KLF8: variants seen among roughly 807,000 people sequenced by gnomAD.
KLF8 encodes the protein Krueppel-like factor 8.
In KLF8, 10 loss-of-function variants were observed where a neutral mutation model predicts 18.2. That is an observed-to-expected ratio of 0.55 (90% confidence interval 0.34 to 0.93). The LOEUF is 0.93. Among genes scored for constraint, KLF8 ranks in the 40% least tolerant of loss-of-function variants. KLF8 has a pLI of 0.02. For synonymous variants in KLF8, 109 were observed against 97.3 expected, an observed-to-expected ratio of 1.12 and a Z score of -0.71; for missense variants, 264 against 277.9, an observed-to-expected ratio of 0.95 and a Z score of 0.36.
At chrX:56,095,836 A>G in the KLF8 span, among the ~76,000 whole-genome samples, 28 of 111,621 alleles carry the variant, frequency 2.5e-4, no homozygotes, top group African/African-American at 8.4e-4. Flanking sequence ...AGGAATACTT[A>G]TACTCTGTTG....
At chrX:55,995,037 A>G in the KLF8 span, among the ~76,000 whole-genome samples, 1 of 111,926 alleles carries the variant, frequency 8.9e-6, no homozygotes, top group Non-Finnish European at 1.9e-5. Flanking sequence ...GTGTTTACCC[A>G]TGTCTCTTCA....
chrX:56,058,912 T>A, the KLF8 span, among the ~76,000 whole-genome samples: 132 of 111,952 alleles, frequency 1.2e-3, no homozygotes, highest in Non-Finnish European at 2.2e-3. Context: ...TTCTAGGTTC[T>A]TGAGGAATTG....
the KLF8 span, among the ~76,000 whole-genome samples, chrX:55,971,702 C>T: frequency 9.0e-6 from 1 of 110,560 alleles, no homozygotes; most frequent in Non-Finnish European, 1.9e-5. Context: ...GCTCAAACAA[C>T]TCTATAGGAA....
chrX:56,201,455 G>A, the KLF8 span, among the ~76,000 whole-genome samples: 138 of 111,359 alleles, frequency 1.2e-3, no homozygotes, highest in Middle Eastern at 4.6e-3. Context: ...GGGTTGGGGC[G>A]GGGAATGGAG....
chrX:55,962,468 C>A, the KLF8 span: 1 of 231,297 alleles, frequency 4.3e-6, no homozygotes, highest in South Asian at 5.9e-5. Flanking sequence ...TGCCTTTCAT[C>A]AGGTCACCAA....
At chrX:56,161,754 C>G in the KLF8 span, among the ~76,000 whole-genome samples, 2 of 111,871 alleles carry the variant, frequency 1.8e-5, no homozygotes, top group Non-Finnish European at 3.8e-5. Flanking sequence ...TCATCTGAAG[C>G]CTTCTGCTCT....
At chrX:56,049,056 G>T in the KLF8 span, among the ~76,000 whole-genome samples, 1 of 111,392 alleles carries the variant, frequency 9.0e-6, no homozygotes, top group Admixed American at 9.6e-5. Context: ...CTCATGATTT[G>T]GCTCTCTGTT....
chrX:56,126,911 C>G, the KLF8 span, among the ~76,000 whole-genome samples: 1 of 109,002 alleles, frequency 9.2e-6, no homozygotes, highest in Non-Finnish European at 1.9e-5. Context: ...TACCACCACG[C>G]CTGGCTAATT....
At chrX:55,966,365 C>T in the KLF8 span, among the ~76,000 whole-genome samples, 1 of 112,357 alleles carries the variant, frequency 8.9e-6, no homozygotes, top group South Asian at 3.7e-4. Flanking sequence ...ATGGTAGCTA[C>T]ATGGGTGCAT....
At chrX:56,078,030 G>C in the KLF8 span, among the ~76,000 whole-genome samples, 1 of 109,627 alleles carries the variant, frequency 9.1e-6, no homozygotes, top group Admixed American at 9.6e-5. Context: ...ATCAGCTTAA[G>C]GGGATTTTGG....
chrX:55,944,250 T>G, the KLF8 span, among the ~76,000 whole-genome samples: 1 of 109,130 alleles, frequency 9.2e-6, no homozygotes, highest in Non-Finnish European at 1.9e-5. Flanking sequence ...TTATTGAGGA[T>G]TTTTGCATCA....
the KLF8 span, among the ~76,000 whole-genome samples, chrX:56,005,329 A>G: frequency 6.3e-5 from 7 of 111,823 alleles, no homozygotes; most frequent in African/African-American, 1.6e-4. Flanking sequence ...AGTGGGATTT[A>G]TACTCATTTG....
the KLF8 span, among the ~76,000 whole-genome samples, chrX:56,173,966 A>T: frequency 8.9e-6 from 1 of 112,134 alleles, no homozygotes; most frequent in Non-Finnish European, 1.9e-5. Context: ...ACTTTGCTGA[A>T]GTTGCCTATC....
the KLF8 span, among the ~76,000 whole-genome samples, chrX:56,193,462 T>G: frequency 8.9e-6 from 1 of 111,931 alleles, no homozygotes; most frequent in Non-Finnish European, 1.9e-5. Flanking sequence ...GCAATGCTAC[T>G]GCTGGATATA....
At chrX:56,162,237 A>C in the KLF8 span, among the ~76,000 whole-genome samples, 2 of 112,281 alleles carry the variant, frequency 1.8e-5, no homozygotes, top group African/African-American at 6.5e-5. Context: ...TTGCGGAGGC[A>C]GTCTGTCCAT....
the KLF8 span, among the ~76,000 whole-genome samples, chrX:55,947,434 C>T: frequency 3.0e-5 from 3 of 98,697 alleles, no homozygotes; most frequent in Non-Finnish European, 6.0e-5. Flanking sequence ...GGGAATTGAA[C>T]AATGAGAACA....
At chrX:55,938,048 G>C in the KLF8 span, among the ~76,000 whole-genome samples, 1 of 111,075 alleles carries the variant, frequency 9.0e-6, no homozygotes, top group Admixed American at 9.6e-5. Flanking sequence ...TCCTCGAGAA[G>C]AGCAACTCCA....
At chrX:56,020,255 GA>G in the KLF8 span, among the ~76,000 whole-genome samples, 1 of 110,164 alleles carries the variant, frequency 9.1e-6, no homozygotes, top group Non-Finnish European at 1.9e-5. Context: ...GAGCTCTGGG[GA>G]AAAAAAAGGA....
chrX:55,961,220 C>T, the KLF8 span: 370 of 293,210 alleles, frequency 1.3e-3, no homozygotes, highest in Admixed American at 1.8e-3. Flanking sequence ...GGCCCTGCTG[C>T]ACTCCAGCCA....
Sources: allele counts gnomAD v4.1 joint callset (sites outside exome capture counted in the v4.1 genomes callset), GRCh38; gene constraint gnomAD v4.1.1; transcripts MANE v1.5; gene names NCBI Gene and HGNC (gene_info 2026-07-23, HGNC 2026-07-21).